Variants in C1QTNF7 observed in about 807,000 individuals in gnomAD.
C1QTNF7 encodes the protein complement C1q tumor necrosis factor-related protein 7.
A neutral mutation model predicts 19.6 loss-of-function variants in C1QTNF7; 15 were observed. The ratio of observed to expected loss-of-function variants is 0.76; its 90% CI spans 0.51 to 1.18. The LOEUF (loss-of-function observed/expected upper bound fraction) is 1.18. Among genes scored for constraint, C1QTNF7 ranks in the 50% most tolerant of loss-of-function variants. C1QTNF7 has a pLI of 0.00. For missense variants in C1QTNF7, 324 were observed against 359.7 expected, an observed-to-expected ratio of 0.90 and a Z score of 0.80; for synonymous variants, 142 against 137.5, an observed-to-expected ratio of 1.03 and a Z score of -0.23.
intron 1 of C1QTNF7, among the ~76,000 whole-genome samples, chr4:15,360,123 C>A (rs1717284628): frequency 6.6e-6 from 1 of 152,150 alleles, no homozygotes; most frequent in Non-Finnish European, 1.5e-5. Flanking sequence ...AAAAGGCCTT[C>A]AAAGGCTACC....
At chr4:15,391,610 G>A (rs919893402) in intron 1 of C1QTNF7, among the ~76,000 whole-genome samples, 1 of 152,136 alleles carries the variant, frequency 6.6e-6, no homozygotes, top group Non-Finnish European at 1.5e-5. Flanking sequence ...GCCCTAATGC[G>A]AGTCCCAGTG....
intron 1 of C1QTNF7, among the ~76,000 whole-genome samples, chr4:15,418,427 C>A (rs985031169): frequency 2.0e-5 from 3 of 152,140 alleles, no homozygotes; most frequent in South Asian, 2.1e-4. Flanking sequence ...AAGTTCCAAC[C>A]CATTGTCCTT....
chr4:15,385,558 G>T (rs1718302303), intron 1 of C1QTNF7, among the ~76,000 whole-genome samples: 1 of 152,218 alleles, frequency 6.6e-6, no homozygotes, highest in Non-Finnish European at 1.5e-5. Context: ...GAGGTCAGAA[G>T]GCAGTGGGAG....
At chr4:15,370,481 C>A (rs1717681530) in intron 1 of C1QTNF7, among the ~76,000 whole-genome samples, 1 of 152,166 alleles carries the variant, frequency 6.6e-6, no homozygotes, top group Admixed American at 6.5e-5. Context: ...ACTCTGCCTA[C>A]AAGTGATTCT....
In C1QTNF7 at chr4:15,442,519, A is replaced by G; in HGVS notation, c.590A>G (p.Tyr197Cys). The G allele has an allele frequency of 1.9e-6, 3 of 1,614,184 alleles. No homozygotes were observed. The highest frequency in any genetic ancestry group is 2.2e-5 in the East Asian group (1 of 44,886). ...TTCCCAGGGATCTATTACTTTTCTT[A>G]TGATATCACATTGGCTAATAAGCAT... ...CAFPGIYYFS[Y>C]DITLANKHLA... is the part of the protein sequence containing the mutation. Residue 197 changes from tyrosine to cysteine, a missense_variant, in exon 3 of 3, where the codon TAT (tyrosine) becomes TGT (cysteine). Coordinates refer to ENST00000444304, the MANE Select transcript of C1QTNF7 (RefSeq NM_031911.5).
At chr4:15,407,953 T>C (rs192077815) in intron 1 of C1QTNF7, among the ~76,000 whole-genome samples, 5 of 152,038 alleles carry the variant, frequency 3.3e-5, no homozygotes, top group South Asian at 2.1e-4. Flanking sequence ...AAACAAAGAA[T>C]GTATATATGT....
intron 2 of C1QTNF7, among the ~76,000 whole-genome samples, chr4:15,440,439 G>C (rs1034806449): frequency 7.2e-6 from 1 of 139,128 alleles, no homozygotes; most frequent in Non-Finnish European, 1.5e-5. Context: ...ACTGAGTCTT[G>C]CACTGCCGCC....
At chr4:15,374,801 C>A (rs1436643439) in intron 1 of C1QTNF7, 73 of 969,420 alleles carry the variant, frequency 7.5e-5, no homozygotes, top group Non-Finnish European at 8.4e-5. Flanking sequence ...CATTGATAAA[C>A]GTCTTCAGGC....
At chr4:15,439,963 A>G (rs1560372134) in intron 2 of C1QTNF7, among the ~76,000 whole-genome samples, 1 of 151,598 alleles carries the variant, frequency 6.6e-6, no homozygotes, top group African/African-American at 2.4e-5. Flanking sequence ...AATGTCATAT[A>G]CAAAATCAAT....
At chr4:15,388,365 C>T (rs1439752272) in intron 1 of C1QTNF7, among the ~76,000 whole-genome samples, 1 of 152,100 alleles carries the variant, frequency 6.6e-6, no homozygotes, top group African/African-American at 2.4e-5. Flanking sequence ...GTCCATCCAG[C>T]CAGAATGGTG....
At chr4:15,364,499 G>A (rs1330991867) in intron 1 of C1QTNF7, among the ~76,000 whole-genome samples, 2 of 152,174 alleles carry the variant, frequency 1.3e-5, no homozygotes, top group Non-Finnish European at 2.9e-5. Context: ...TGTAGATGGG[G>A]GAAGGAAATT....
chr4:15,350,830 G>A (rs1184391113), intron 1 of C1QTNF7, among the ~76,000 whole-genome samples: 2 of 152,202 alleles, frequency 1.3e-5, no homozygotes. Flanking sequence ...AAACTAATGG[G>A]AAATAGGAGA....
intron 2 of C1QTNF7, among the ~76,000 whole-genome samples, chr4:15,441,926 C>A (rs1712774157): frequency 6.6e-6 from 1 of 151,822 alleles, no homozygotes; most frequent in African/African-American, 2.4e-5. Context: ...GAGGCTGAGG[C>A]AGGAGAATTG....
chr4:15,369,451 A>G (rs1717644151), intron 1 of C1QTNF7, among the ~76,000 whole-genome samples: 1 of 152,072 alleles, frequency 6.6e-6, no homozygotes, highest in Admixed American at 6.5e-5. Context: ...AATTTGCTGC[A>G]TTGTTTAGGT....
In C1QTNF7 at chr4:15,384,175, G is replaced by C. The variant is rs75438439; in HGVS notation, c.13+43968G>C. Among the ~76,000 whole-genome samples the C allele has an allele frequency of 8.8e-3, 1,334 of 152,304 alleles. 28 individuals carry two copies. Among genetic ancestry groups the C allele is most frequent in the African/African-American group, 0.03 (1,266 of 41,560 alleles). ...TGATAATGTTTTTCTCTAGGAGGTT[G>C]AACCTGGGATCATTGCTTAAGATAA... On this transcript the variant is annotated intron_variant, in intron 1 of 2. Transcript: ENST00000295297.
chr4:15,373,841 A>G lies in C1QTNF7; in HGVS notation c.13+33634A>G, dbSNP rs1253776532. 2.6e-5 allele frequency: 4 copies of G among 152,240 alleles called. No individual in the cohort carries two copies. In the East Asian group the frequency reaches 7.7e-4, roughly 29 times the overall value. The allele number at this position is 152,240 out of a possible 1,614,324, so 9.4% of individuals were successfully genotyped here. ...CACTCAATGGTTTCTTTCAGTCAGA[A>G]AATAACACCGAATGGAAAATGAGAA... On this transcript the variant is annotated intron_variant, in intron 1 of 2. Coordinates refer to the C1QTNF7 transcript ENST00000295297.
chr4:15,339,864 T>C (rs111427693), upstream of C1QTNF7: 364 of 443,030 alleles, frequency 8.2e-4, 2 homozygotes, highest in African/African-American at 6.5e-3. Flanking sequence ...GTGTATATAT[T>C]AAGCTCTTTG....
intron 1 of C1QTNF7, among the ~76,000 whole-genome samples, chr4:15,395,229 G>A (rs1718740829): frequency 6.6e-6 from 1 of 151,932 alleles, no homozygotes; most frequent in Non-Finnish European, 1.5e-5. Flanking sequence ...CATAGGGACT[G>A]TCCCTAGTTG....
rs986356376 is a variant in C1QTNF7, at chr4:15,442,244, C to T, written c.315C>T (p.Pro105=). The change falls in exon 3 of 3, where the codon CCC becomes CCT. Residue 105 remains proline, a synonymous_variant. Transcript: ENST00000444304. ...GDQGETGKKG[P]IGPEGEKGEV... ...AAGGAGAGACTGGGAAGAAAGGACC[C>T]ATAGGACCAGAGGGAGAGAAAGGAG... The T allele has an allele frequency of 8.7e-6, 14 of 1,614,038 alleles. No individual in the cohort carries two copies. The highest frequency in any genetic ancestry group is 1.2e-5 in the Non-Finnish European group (14 of 1,180,000).
Sources: gnomAD v4.1 joint callset for allele counts (sites outside exome capture counted in the v4.1 genomes callset) on GRCh38, gnomAD v4.1.1 for gene constraint, MANE v1.5 for transcripts, NCBI Gene and HGNC (gene_info 2026-07-23, HGNC 2026-07-21) for gene names.